DERL1: variants seen among roughly 807,000 people sequenced by gnomAD.
DERL1 encodes the protein derlin 1, also known as derlin-1.
In DERL1, 24 loss-of-function variants were observed where a neutral mutation model predicts 41.6. The observed-to-expected ratio is 0.58, with a 90% CI of 0.42 to 0.81. DERL1 has a LOEUF of 0.81. DERL1 is among the 30% of genes least tolerant of loss of function. The pLI is 0.00. For missense variants in DERL1, 260 were observed against 314.3 expected (o/e 0.83, Z 1.31); for synonymous variants, 124 against 112.5 (o/e 1.10, Z -0.65).
chr8:123,039,361 A>T (rs1215065462), intron 1 of DERL1, among the ~76,000 whole-genome samples: 1 of 152,176 alleles, frequency 6.6e-6, no homozygotes, highest in Non-Finnish European at 1.5e-5. Flanking sequence ...TCTTAACATG[A>T]CCTACAAGGC....
chr8:123,021,831 A>G (rs770918690), intron 5 of DERL1, among the ~76,000 whole-genome samples: 7 of 152,252 alleles, frequency 4.6e-5, no homozygotes, highest in African/African-American at 1.7e-4. Context: ...AGCAAGGCCC[A>G]TGAGAGAATC....
intron 3 of DERL1, 92 bp from the exon 4 acceptor site, chr8:123,023,831 C>T: frequency 7.0e-7 from 1 of 1,431,568 alleles, no homozygotes; most frequent in Admixed American, 2.0e-5. Context: ...TAAAAGTTCA[C>T]TTGGCCAGGT....
At chr8:123,018,551 C>G (rs1258834165) in intron 7 of DERL1, 1 of 152,214 alleles carries the variant, frequency 6.6e-6, no homozygotes, top group Non-Finnish European at 1.5e-5. Context: ...GATTAAGTAA[C>G]TTTCCCAGTA....
At chr8:123,017,172 G>C (rs1814599619) in intron 7 of DERL1, 1 of 152,132 alleles carries the variant, frequency 6.6e-6, no homozygotes, top group African/African-American at 2.4e-5. Context: ...AGTGTGTACA[G>C]AGAAGATATA....
Position 123,021,437 on chromosome 8 carries a change from T to A in DERL1, c.506+10A>T. 1 of 1,611,206 alleles carries A rather than the reference T, an allele frequency of 6.2e-7. No individual in the cohort carries two copies. Among genetic ancestry groups the A allele is most frequent in the Non-Finnish European group, 8.5e-7 (1 of 1,177,402 alleles). ...TTAGTTTCCAATTAAATAAATCTAA[T>A]ATCACTTACGAGCCTCCGATGATAT... On this transcript the variant is annotated intron_variant, in intron 6 of 7. Transcript: ENST00000259512.
chr8:123,029,889 A>G (rs1275544831), intron 2 of DERL1, among the ~76,000 whole-genome samples: 1 of 152,044 alleles, frequency 6.6e-6, no homozygotes, highest in African/African-American at 2.4e-5. Context: ...GTAAAACCCC[A>G]TCTCTACTAA....
chr8:123,022,426 C>T (rs891999210), intron 5 of DERL1, among the ~76,000 whole-genome samples: 1 of 152,084 alleles, frequency 6.6e-6, no homozygotes, highest in Non-Finnish European at 1.5e-5. Flanking sequence ...TTCTCTCTAA[C>T]ACAGACACAT....
rs1814483600 is a variant in DERL1 at position 123,013,903 on chromosome 8, A to C, written c.*1544T>G. 1 of 152,214 alleles carries C rather than the reference A, an allele frequency of 6.6e-6. No homozygotes were observed. Among genetic ancestry groups the C allele is most frequent in the African/African-American group, 2.4e-5 (1 of 41,450 alleles). The allele number at this position is 152,214 out of a possible 1,614,324, so 9.4% of individuals were successfully genotyped here. A position where few individuals can be genotyped will look rare whatever the true frequency, so the allele number is the denominator to read the frequency against. On this transcript the variant is annotated 3_prime_UTR_variant, in exon 8 of 8. Transcript: ENST00000259512. Reference sequence around the variant, plus strand: ...ATAAATTAAATATGGAGAGGTACACACAAACTCTATTCAAAATGAGAAGTT... The same window carrying C: ...ATAAATTAAATATGGAGAGGTACACCCAAACTCTATTCAAAATGAGAAGTT...
intron 7 of DERL1, chr8:123,016,099 T>C (rs1019379520): frequency 2.0e-5 from 3 of 152,242 alleles, no homozygotes; most frequent in African/African-American, 7.2e-5. Flanking sequence ...ATGTTGGAAG[T>C]ATGGGTATGT....
chr8:123,029,287 A>G (rs1812770603), intron 2 of DERL1, among the ~76,000 whole-genome samples: 1 of 152,168 alleles, frequency 6.6e-6, no homozygotes, highest in African/African-American at 2.4e-5. Flanking sequence ...TGAATCTCCT[A>G]TTCATCTTTT....
intron 1 of DERL1, among the ~76,000 whole-genome samples, chr8:123,041,515 G>A (rs1311170853): frequency 6.6e-6 from 1 of 152,060 alleles, no homozygotes; most frequent in Admixed American, 6.6e-5. Flanking sequence ...CACTCCTATA[G>A]GAAAACCAAA....
intron 1 of DERL1, among the ~76,000 whole-genome samples, chr8:123,038,006 G>C (rs916957934): frequency 3.3e-5 from 5 of 152,184 alleles, no homozygotes; most frequent in Non-Finnish European, 7.4e-5. Context: ...AAATCTGAGG[G>C]ACTCAGAATA....
rs1814535043 is a variant in DERL1, at chr8:123,015,424, A to G, written c.*23T>C. The stretch of plus-strand genomic sequence containing the variant: ...CTGGGAGGAAATGTGGCTTGAGAGG[A>G]GCGGCTGCCCGAGGCCGCCCCTTCA... On this transcript the variant is annotated 3_prime_UTR_variant, in exon 8 of 8. Transcript: ENST00000259512. 2.5e-6 allele frequency: 4 copies of G among 1,608,926 alleles called. No individual in the cohort carries two copies. Among genetic ancestry groups the G allele is most frequent in the South Asian group, 2.2e-5 (2 of 89,806 alleles).
chr8:123,042,186 A>G lies in DERL1; in HGVS notation c.-64T>C. The G allele has an allele frequency of 6.7e-7, 1 of 1,496,964 alleles. No individual in the cohort carries two copies. Among genetic ancestry groups the G allele is most frequent in the Non-Finnish European group, 9.0e-7 (1 of 1,117,032 alleles). The allele number at this position is 1,496,964 out of a possible 1,614,324, so 92.7% of individuals were successfully genotyped here. ...GACTCCCCGTGCCGACCCCCTCACG[A>G]CGCGGCCGGCTCCGCGACTGTTAGG... On this transcript the variant is annotated 5_prime_UTR_variant, in exon 1 of 8. Transcript: ENST00000259512.
chr8:123,015,517 C>G lies in DERL1; in HGVS notation c.686G>C (p.Arg229Pro), dbSNP rs781773566. 6.2e-7 allele frequency: 1 copy of G among 1,613,244 alleles called. No individual in the cohort carries two copies. Among genetic ancestry groups the G allele is most frequent in the African/African-American group, 1.3e-5 (1 of 74,884 alleles). Residue 229 changes from arginine to proline, a missense_variant, in exon 8 of 8, where the codon CGA becomes CCA. Transcript: ENST00000259512. The part of the protein sequence containing the change: ...GFGVPPASMR[R>P]AADQNGGGGR... ...GCCTCCGCCATTCTGATCAGCAGCT[C>G]GCCTCATGCTAGCAGGGGGCACACC...
In DERL1 at chr8:123,015,580, C is replaced by T. The variant is rs141975370; in HGVS notation, c.623G>A (p.Arg208His). The change falls in exon 8 of 8, where the codon CGC (arginine) becomes CAC (histidine). Residue 208 changes from arginine (R) to histidine (H), a missense_variant. Arg to His is a conservative substitution (Grantham distance 29). Coordinates refer to ENST00000259512, the MANE Select transcript of DERL1 (RefSeq NM_024295.6). ...TCCTCCTCTCCTACTGGGCAGCCAG[C>T]GGTACCTGGTGCAGAAAGACGGGGA... Reference protein sequence around the residue: ...NFLSTPQFLYRWLPSRRGGVS... With the variant: ...NFLSTPQFLYHWLPSRRGGVS... 153 of 1,607,608 alleles carry T rather than the reference C, an allele frequency of 9.5e-5. 2 individuals carry two copies. The Middle Eastern group carries it at 1.7e-3, about 17-fold the overall frequency.
chr8:123,027,185 T>C (rs1223700794), intron 2 of DERL1, among the ~76,000 whole-genome samples: 1 of 150,326 alleles, frequency 6.7e-6, no homozygotes, highest in East Asian at 2.0e-4. Context: ...TCCCAGCTAC[T>C]CAGGAGGCTG....
chr8:123,023,918 G>C (rs867769091), intron 3 of DERL1, among the ~76,000 whole-genome samples, 179 bp from the exon 4 acceptor site: 1 of 152,092 alleles, frequency 6.6e-6, no homozygotes. Context: ...AGGAGCTCCA[G>C]ACCAGCCTGG....
In DERL1 at chr8:123,042,262, G is replaced by T; in HGVS notation, c.-140C>A. 1 of 1,175,016 alleles carries T rather than the reference G, an allele frequency of 8.5e-7. No individual in the cohort carries two copies. Among genetic ancestry groups the T allele is most frequent in the Non-Finnish European group, 1.1e-6 (1 of 884,394 alleles). The allele number at this position is 1,175,016 out of a possible 1,614,324, so 72.8% of individuals were successfully genotyped here. A position where few individuals can be genotyped will look rare whatever the true frequency, so the allele number is the denominator to read the frequency against. On this transcript the variant is annotated 5_prime_UTR_variant, in exon 1 of 8. Coordinates refer to ENST00000259512, the MANE Select transcript of DERL1 (RefSeq NM_024295.6). ...GCGATGCAGAAGGCGGAGACGGGCG[G>T]ACGTGGCGCCACCGAATTCGGACCA...
Sources: gnomAD v4.1 joint callset for allele counts (sites outside exome capture counted in the v4.1 genomes callset) on GRCh38, gnomAD v4.1.1 for gene constraint, MANE v1.5 for transcripts, NCBI Gene and HGNC (gene_info 2026-07-23, HGNC 2026-07-21) for gene names.